CYB5R4: variants seen among roughly 807,000 people sequenced by gnomAD.
CYB5R4 encodes the protein N-terminal cytochrome b5 and cytochrome b5 oxidoreductase domain-containing protein.
CYB5R4 carries 55 observed loss-of-function variants against 70.2 expected under a neutral mutation model. The observed-to-expected ratio is 0.78, with a 90% CI of 0.63 to 0.98. The LOEUF is 0.98. Ranked by LOEUF, CYB5R4 falls within the 50% of genes least tolerant of loss-of-function variation. The pLI is 0.00. For synonymous variants in CYB5R4, 197 were observed against 199.5 expected (o/e 0.99, Z 0.11); for missense variants, 562 against 612.6 (o/e 0.92, Z 0.87).
At chr6:83,876,714 G>A (rs1318978378) in intron 2 of CYB5R4, among the ~76,000 whole-genome samples, 1 of 151,708 alleles carries the variant, frequency 6.6e-6, no homozygotes, top group African/African-American at 2.4e-5. Flanking sequence ...GCTTTATACA[G>A]TTACTTATCT....
intron 3 of CYB5R4, among the ~76,000 whole-genome samples, chr6:83,899,097 G>A (rs1389418470): frequency 6.6e-6 from 1 of 152,178 alleles, no homozygotes; most frequent in Non-Finnish European, 1.5e-5. Context: ...TATTGGCTGT[G>A]GGTTTGTCAT....
intron 2 of CYB5R4, among the ~76,000 whole-genome samples, chr6:83,865,991 T>G (rs945607153): frequency 5.9e-5 from 9 of 152,188 alleles, no homozygotes; most frequent in South Asian, 4.1e-4. Flanking sequence ...TCCTTCATGC[T>G]CCCTATCTGT....
Position 83,859,700 on chromosome 6 carries a change from C to G in CYB5R4, c.-83C>G. Reference sequence around the variant, plus strand: ...CGGAAGTGGGTCGGGGGCTTGGCCTCTGCCCGGCCACAGAGCCGGAGCTGG... The same window carrying G: ...CGGAAGTGGGTCGGGGGCTTGGCCTGTGCCCGGCCACAGAGCCGGAGCTGG... On this transcript the variant is annotated 5_prime_UTR_variant, in exon 1 of 16. Transcript: ENST00000369681. 6.7e-7 allele frequency: 1 copy of G among 1,498,082 alleles called. No homozygotes were observed. The allele number at this position is 1,498,082 out of a possible 1,614,324, so 92.8% of individuals were successfully genotyped here.
At chr6:83,898,169 G>A (rs1041444363) in intron 3 of CYB5R4, among the ~76,000 whole-genome samples, 1 of 152,180 alleles carries the variant, frequency 6.6e-6, no homozygotes, top group Non-Finnish European at 1.5e-5. Context: ...TCCAGTTTCA[G>A]CTTTCTACAT....
chr6:83,885,549 G>A lies in CYB5R4; in HGVS notation c.230-7973G>A, dbSNP rs2099460119. On this transcript the variant is annotated intron_variant, in intron 2 of 15. Transcript: ENST00000369681. ...GGTTACCTAACCTGAAAATTTGTGG[G>A]AACTTCATCTGGAAGATAGATTAGT... is the stretch of plus-strand genomic sequence containing the variant. Among the ~76,000 whole-genome samples, 4 of 152,312 alleles carry A rather than the reference G, an allele frequency of 2.6e-5. No homozygotes were observed. The South Asian group carries it at 8.3e-4, about 32-fold the overall frequency.
intron 10 of CYB5R4, among the ~76,000 whole-genome samples, chr6:83,927,039 A>C (rs1261235522): frequency 6.6e-6 from 1 of 151,978 alleles, no homozygotes; most frequent in Non-Finnish European, 1.5e-5. Flanking sequence ...GTCAGCTCCT[A>C]AAGTTTTGTT....
rs768385099 is a variant in CYB5R4, at chr6:83,955,500, C to T, written c.1511+38C>T. 5 of 1,551,428 alleles carry T rather than the reference C, an allele frequency of 3.2e-6. No homozygotes were observed. In the African/African-American group the frequency reaches 4.1e-5, roughly 13 times the overall value. ...GTAGTAGGAAACAGACTGCCCAACA[C>T]TGAAGTGAAGATCTTTCATAACAAG... On this transcript the variant is annotated intron_variant, in intron 15 of 15. Transcript: ENST00000369681.
chr6:83,956,699 T>A (rs1318422451), intron 15 of CYB5R4, among the ~76,000 whole-genome samples: 2 of 152,168 alleles, frequency 1.3e-5, no homozygotes, highest in Admixed American at 6.5e-5. Context: ...AAAGGACAGA[T>A]TTGCAGGGCC....
intron 14 of CYB5R4, among the ~76,000 whole-genome samples, chr6:83,947,085 G>T (rs903214407): frequency 6.6e-6 from 1 of 152,090 alleles, no homozygotes; most frequent in African/African-American, 2.4e-5. Context: ...CCAAAAAAGA[G>T]CTCGTATAGC....
intron 10 of CYB5R4, among the ~76,000 whole-genome samples, chr6:83,933,276 C>T (rs1282771998): frequency 6.6e-6 from 1 of 152,146 alleles, no homozygotes; most frequent in East Asian, 1.9e-4. Context: ...ACTCCAAGGT[C>T]TTTGCATAAA....
chr6:83,942,572 T>C (rs146828752), intron 14 of CYB5R4, among the ~76,000 whole-genome samples: 398 of 152,272 alleles, frequency 2.6e-3, no homozygotes, highest in African/African-American at 8.0e-3. Context: ...GCAGGAGTTT[T>C]TTTTTGTACC....
At chr6:83,881,970 G>A (rs182476017) in intron 2 of CYB5R4, among the ~76,000 whole-genome samples, 253 of 152,084 alleles carry the variant, frequency 1.7e-3, no homozygotes, top group African/African-American at 5.1e-3. Flanking sequence ...TTTTATTGCC[G>A]AGTGCTCTAA....
Position 83,864,189 on chromosome 6 carries a change from G to GAAA in CYB5R4, c.90_91insAAA (p.Gln30_Gly31insLys), listed in dbSNP as rs780376668. On this transcript the variant is annotated inframe_insertion, in exon 2 of 16. Transcript: ENST00000369681. Reference sequence around the variant, plus strand: ...TCCATTTTTAGGTACCTTTAAAACAGGGCAGAAGCCTTATGGATTGGATTC... The same window carrying GAAA: ...TCCATTTTTAGGTACCTTTAAAACAGAAAGGCAGAAGCCTTATGGATTGGATTC... The GAAA allele has an allele frequency of 2.5e-5, 40 of 1,602,648 alleles. No individual in the cohort carries two copies. The highest frequency in any genetic ancestry group is 1.3e-5 in the Non-Finnish European group (15 of 1,175,866).
chr6:83,862,116 C>T (rs2099456041), intron 1 of CYB5R4, among the ~76,000 whole-genome samples: 1 of 152,132 alleles, frequency 6.6e-6, no homozygotes. Flanking sequence ...AATAACAGTA[C>T]CCATTTTATA....
chr6:83,962,187 T>C lies in CYB5R4; in HGVS notation c.*2309T>C, dbSNP rs1366542865. 1 of 152,224 alleles carries C rather than the reference T, an allele frequency of 6.6e-6. No homozygotes were observed. The highest frequency in any genetic ancestry group is 1.5e-5 in the Non-Finnish European group (1 of 68,056). The allele number at this position is 152,224 out of a possible 1,614,324, so 9.4% of individuals were successfully genotyped here. A position where few individuals can be genotyped will look rare whatever the true frequency, so the allele number is the denominator to read the frequency against. On this transcript the variant is annotated 3_prime_UTR_variant, in exon 16 of 16. Transcript: ENST00000369681. ...TCCAGTCTGACTCTTCCATACCAGCTAACCCTGTCCTATCATCCCTCAGCT... is the reference window on the plus strand; with the variant it reads ...TCCAGTCTGACTCTTCCATACCAGCCAACCCTGTCCTATCATCCCTCAGCT...
chr6:83,910,063 C>G, intron 4 of CYB5R4: 1 of 1,612,498 alleles, frequency 6.2e-7, no homozygotes, highest in Non-Finnish European at 8.5e-7. Context: ...TTTGGTTCAT[C>G]CTAGGCAAAC....
At chr6:83,946,781 A>G (rs2099470680) in intron 14 of CYB5R4, among the ~76,000 whole-genome samples, 1 of 152,154 alleles carries the variant, frequency 6.6e-6, no homozygotes, top group African/African-American at 2.4e-5. Flanking sequence ...CCAATAATAG[A>G]GAGCGAAATC....
At chr6:83,927,166 C>T (rs2099467425) in intron 10 of CYB5R4, among the ~76,000 whole-genome samples, 1 of 152,190 alleles carries the variant, frequency 6.6e-6, no homozygotes, top group Non-Finnish European at 1.5e-5. Flanking sequence ...GAACTAACTG[C>T]ATGTATTCAG....
rs569516977 is a variant in CYB5R4 at position 83,955,159 on chromosome 6, T to C, written c.1347-139T>C. 5 of 631,382 alleles carry C rather than the reference T, an allele frequency of 7.9e-6. No homozygotes were observed. The Admixed American group carries it at 1.0e-4, about 13-fold the overall frequency. The allele number at this position is 631,382 out of a possible 1,614,324, so 39.1% of individuals were successfully genotyped here. On this transcript the variant is annotated intron_variant, in intron 14 of 15. Coordinates refer to ENST00000369681, the MANE Select transcript of CYB5R4 (RefSeq NM_016230.4). ...TTTTTGTTAAATCTTACAATTTTTTTCAGTGTTTTTCTAGCAAGTAAGTGT... is the reference window on the plus strand; with the variant it reads ...TTTTTGTTAAATCTTACAATTTTTTCCAGTGTTTTTCTAGCAAGTAAGTGT...
Sources: allele counts gnomAD v4.1 joint callset (sites outside exome capture counted in the v4.1 genomes callset), GRCh38; gene constraint gnomAD v4.1.1; transcripts MANE v1.5; gene names NCBI Gene and HGNC (gene_info 2026-07-23, HGNC 2026-07-21).